The following SLC35D2 variants were observed in gnomAD, a reference collection of about 807,000 sequenced individuals.
The protein encoded by SLC35D2 is nucleotide sugar transporter SLC35D2.
A neutral mutation model predicts 41.8 loss-of-function variants in SLC35D2; 43 were observed. The ratio of observed to expected loss-of-function variants is 1.03; its 90% CI spans 0.81 to 1.33. The LOEUF (loss-of-function observed/expected upper bound fraction) is 1.33. Among genes scored for constraint, SLC35D2 ranks in the 40% most tolerant of loss-of-function variants. The probability of loss-of-function intolerance (pLI) is 0.00; values close to 1 mark genes in which losing one functional copy is unlikely to be tolerated. For missense variants in SLC35D2, 380 were observed against 408.4 expected (o/e 0.93, Z 0.60); for synonymous variants, 150 against 163.9 (o/e 0.92, Z 0.65).
Position 96,320,738 on chromosome 9 carries a change from A to G in SLC35D2, c.*504T>C, listed in dbSNP as rs1281220053. The G allele has an allele frequency of 6.6e-6, 1 of 152,308 alleles. No homozygotes were observed. Among genetic ancestry groups the G allele is most frequent in the Non-Finnish European group, 1.5e-5 (1 of 68,128 alleles). 9.4% of individuals were successfully genotyped at this position (152,308 alleles called of 1,614,324 possible). A position where few individuals can be genotyped will look rare whatever the true frequency, so the allele number is the denominator to read the frequency against. On this transcript the variant is annotated 3_prime_UTR_variant, in exon 12 of 12. Transcript: ENST00000253270. ...AAATGATTTTTTATTTACTTTGATG[A>G]TTAGGGAAAGATACCAACATAGCTT...
intron 7 of SLC35D2, among the ~76,000 whole-genome samples, chr9:96,344,632 G>T (rs1345170320): frequency 7.4e-6 from 1 of 135,382 alleles, no homozygotes; most frequent in African/African-American, 2.8e-5. Flanking sequence ...TGGTCAGAGT[G>T]AACTCCCTCA....
intron 7 of SLC35D2, among the ~76,000 whole-genome samples, 198 bp downstream of exon 7, chr9:96,345,101 C>T (rs1346829046): frequency 6.6e-6 from 1 of 152,144 alleles, no homozygotes; most frequent in Non-Finnish European, 1.5e-5. Context: ...AAACTAGTGG[C>T]TTTTCCCATC....
intron 6 of SLC35D2, among the ~76,000 whole-genome samples, chr9:96,348,962 T>C (rs530433583): frequency 6.6e-6 from 1 of 152,100 alleles, no homozygotes; most frequent in African/African-American, 2.4e-5. Flanking sequence ...TGTAAGTCAG[T>C]GGTTTTCAAA....
chr9:96,364,375 A>T, intron 3 of SLC35D2, 89 bp downstream of exon 3: 1 of 812,004 alleles, frequency 1.2e-6, no homozygotes, highest in Non-Finnish European at 2.1e-6. Context: ...GGCAGGAAGT[A>T]CAGTGTGTAT....
In SLC35D2 at chr9:96,352,050, GT is replaced by G. The variant is rs750589344; in HGVS notation, c.406del (p.Thr136ProfsTer25). 1.2e-6 allele frequency: 2 copies of G among 1,611,082 alleles called. No homozygotes were observed. The highest frequency in any genetic ancestry group is 1.7e-6 in the Non-Finnish European group (2 of 1,177,992). ...AAAACAAAATCACCCAAGTATGATGGTTTCCAGAAGTAAGGTAAGTGGAATG... is the reference window on the plus strand; with the variant it reads ...AAAACAAAATCACCCAAGTATGATGGTTCCAGAAGTAAGGTAAGTGGAATG... The part of the protein sequence containing the change: ...FTIPLTLLLE[T>X]IILGKQYSLN... On this transcript the variant is annotated frameshift_variant, in exon 5 of 12. Coordinates refer to ENST00000253270, the MANE Select transcript of SLC35D2 (RefSeq NM_007001.3). LOFTEE classifies it high-confidence loss of function.
intron 1 of SLC35D2, among the ~76,000 whole-genome samples, chr9:96,374,560 C>T (rs1446883132): frequency 6.9e-6 from 1 of 145,600 alleles, no homozygotes; most frequent in Admixed American, 6.9e-5. Flanking sequence ...GTAGGCCAGG[C>T]GCAGTGGCTC....
intron 8 of SLC35D2, among the ~76,000 whole-genome samples, chr9:96,342,160 G>A (rs561627176): frequency 2.3e-4 from 35 of 151,988 alleles, no homozygotes; most frequent in Non-Finnish European, 4.4e-4. Context: ...ACCCAGGCTG[G>A]AGTGCAATAG....
chr9:96,365,309 T>C (rs1047671201), intron 2 of SLC35D2, among the ~76,000 whole-genome samples: 5 of 151,598 alleles, frequency 3.3e-5, no homozygotes, highest in South Asian at 4.2e-4. Context: ...CAGTGAACTA[T>C]GATCATGCCA....
intron 2 of SLC35D2, among the ~76,000 whole-genome samples, chr9:96,365,140 G>A (rs1445102102): frequency 6.6e-6 from 1 of 151,612 alleles, no homozygotes; most frequent in African/African-American, 2.4e-5. Flanking sequence ...GATCACTTGA[G>A]CCTAGGAGCT....
At chr9:96,361,729 G>A (rs1158845212) in intron 3 of SLC35D2, among the ~76,000 whole-genome samples, 3 of 150,732 alleles carry the variant, frequency 2.0e-5, no homozygotes, top group East Asian at 1.9e-4. Flanking sequence ...AAAAAAAAAA[G>A]GAAGTGGAAG....
chr9:96,336,187 T>A (rs777529375), intron 9 of SLC35D2, among the ~76,000 whole-genome samples: 1 of 152,152 alleles, frequency 6.6e-6, no homozygotes, highest in Non-Finnish European at 1.5e-5. Flanking sequence ...AAGGCTGTCA[T>A]AGTCACATAA....
At chr9:96,320,130 G>A (rs1384132711), downstream of SLC35D2, among the ~76,000 whole-genome samples, 1 of 152,196 alleles carries the variant, frequency 6.6e-6, no homozygotes, top group Non-Finnish European at 1.5e-5. Flanking sequence ...GTTGGCGGTA[G>A]GTGAGCATGT....
intron 1 of SLC35D2, chr9:96,373,914 G>A (rs1649823931): frequency 6.6e-6 from 1 of 152,138 alleles, no homozygotes; most frequent in Non-Finnish European, 1.5e-5. Context: ...AAAGTCAAAT[G>A]ATACAATGTA....
rs545784856 is a variant in SLC35D2 at position 96,374,617 on chromosome 9, G to A, written c.159-6312C>T. ...TGGGAGGACGAGGCGGGTGGATCAC[G>A]AGATCAGGAGATGGAGACCATCCTA... On this transcript the variant is annotated intron_variant, in intron 1 of 11. Coordinates refer to ENST00000253270, the MANE Select transcript of SLC35D2 (RefSeq NM_007001.3). 2.7e-4 allele frequency among the ~76,000 whole-genome samples: 41 copies of A among 151,220 alleles called. No individual in the cohort carries two copies. In the East Asian group the frequency reaches 6.8e-3, roughly 25 times the overall value.
intron 5 of SLC35D2, among the ~76,000 whole-genome samples, chr9:96,351,773 G>C (rs941837544): frequency 6.6e-6 from 1 of 152,060 alleles, no homozygotes; most frequent in African/African-American, 2.4e-5. Flanking sequence ...CAGGAAACAG[G>C]TTTACATCCT....
intron 1 of SLC35D2, among the ~76,000 whole-genome samples, chr9:96,369,940 G>A (rs1214649642): frequency 1.3e-5 from 2 of 152,168 alleles, no homozygotes; most frequent in African/African-American, 4.8e-5. Flanking sequence ...AAAACAGAAT[G>A]AATGGCTGGA....
At chr9:96,362,485 C>T (rs987878179) in intron 3 of SLC35D2, among the ~76,000 whole-genome samples, 5 of 149,208 alleles carry the variant, frequency 3.4e-5, no homozygotes, top group African/African-American at 1.2e-4. Context: ...CCAGCCTGGG[C>T]AATAAGAGCA....
chr9:96,330,379 A>G (rs575624228), intron 9 of SLC35D2, among the ~76,000 whole-genome samples: 1 of 152,324 alleles, frequency 6.6e-6, no homozygotes, highest in African/African-American at 2.4e-5. Context: ...ATCCAGTCGA[A>G]TTGATACCTG....
intron 4 of SLC35D2, among the ~76,000 whole-genome samples, chr9:96,355,284 G>C (rs1392255284): frequency 1.3e-5 from 2 of 151,538 alleles, no homozygotes; most frequent in African/African-American, 4.8e-5. Context: ...CTCCCAAAGT[G>C]CTGGGACTAC....
Sources: allele counts gnomAD v4.1 joint callset (sites outside exome capture counted in the v4.1 genomes callset), GRCh38; gene constraint gnomAD v4.1.1; transcripts MANE v1.5; gene names NCBI Gene and HGNC (gene_info 2026-07-23, HGNC 2026-07-21).